DCC: variants seen among roughly 807,000 people sequenced by gnomAD.
DCC encodes netrin receptor DCC.
In DCC, 58 loss-of-function variants were observed where a neutral mutation model predicts 172.5. That is an observed-to-expected ratio of 0.34 (90% CI 0.27 to 0.42). The LOEUF is 0.42. Ranked by LOEUF, DCC falls within the 10% of genes least tolerant of loss-of-function variation. The pLI is 1.00. For missense variants in DCC, 1,740 were observed against 1,791.0 expected, an observed-to-expected ratio of 0.97 and a Z score of 0.51; for synonymous variants, 709 against 644.5, an observed-to-expected ratio of 1.10 and a Z score of -1.52.
intron 27 of DCC, among the ~76,000 whole-genome samples, chr18:53,518,539 TTAAAACAG>T (rs2046364652): frequency 6.6e-6 from 1 of 152,170 alleles, no homozygotes; most frequent in Admixed American, 6.5e-5. Context: ...AAAATGAAGC[TTAAAACAG>T]TAAATTCCTG....
At chr18:52,698,944 A>G (rs11082940) in intron 1 of DCC, among the ~76,000 whole-genome samples, 8,870 of 152,134 alleles carry the variant, frequency 0.058, 297 homozygotes, top group South Asian at 0.16. Flanking sequence ...TTTTCATGGC[A>G]TAGGAAAGGT....
chr18:52,369,149 A>C (rs933168370), intron 1 of DCC, among the ~76,000 whole-genome samples: 1 of 152,186 alleles, frequency 6.6e-6, no homozygotes, highest in African/African-American at 2.4e-5. Context: ...ATCGATGAAG[A>C]GTCTTCTCAA....
At chr18:53,450,916 C>T (rs1189909655) in intron 23 of DCC, among the ~76,000 whole-genome samples, 3 of 152,196 alleles carry the variant, frequency 2.0e-5, no homozygotes, top group African/African-American at 7.2e-5. Flanking sequence ...GACCCCTTCT[C>T]ATTTTCAAGT....
chr18:53,517,624 G>A (rs569633911), intron 27 of DCC, among the ~76,000 whole-genome samples: 2 of 152,036 alleles, frequency 1.3e-5, no homozygotes, highest in South Asian at 2.1e-4. Flanking sequence ...GTGACTCAGA[G>A]TAGCCCTTTC....
At position 53,475,863 on chromosome 18, in the gene DCC, C is replaced by G. The variant is rs539980015; in HGVS notation, c.3736+7853C>G. The stretch of plus-strand genomic sequence containing the variant: ...TGTGCACCTGGAAGAGCTGCAGACA[C>G]TCAATGCCAGCTCATGAAAGCAGCT... On this transcript the variant is annotated intron_variant, in intron 25 of 28. Transcript: ENST00000442544. Among the ~76,000 whole-genome samples, 49 of 152,260 alleles carry G rather than the reference C, an allele frequency of 3.2e-4. 2 individuals are homozygous for G. In the South Asian group the frequency reaches 9.9e-3, roughly 31 times the overall value.
intron 7 of DCC, among the ~76,000 whole-genome samples, chr18:53,084,967 G>T (rs2042857897): frequency 6.6e-6 from 1 of 152,140 alleles, no homozygotes; most frequent in South Asian, 2.1e-4. Flanking sequence ...AAGGGACTTT[G>T]TCTTGATATT....
chr18:53,185,615 C>A (rs535338480), intron 9 of DCC, among the ~76,000 whole-genome samples: 1 of 152,170 alleles, frequency 6.6e-6, no homozygotes, highest in Non-Finnish European at 1.5e-5. Flanking sequence ...TATATGATTA[C>A]TGGCTACTGT....
chr18:53,031,788 T>C (rs1440320588), intron 5 of DCC, among the ~76,000 whole-genome samples: 1 of 152,148 alleles, frequency 6.6e-6, no homozygotes, highest in Non-Finnish European at 1.5e-5. Flanking sequence ...TAAGGTTTTG[T>C]AACATACTCT....
intron 3 of DCC, among the ~76,000 whole-genome samples, chr18:52,910,714 C>T (rs947363470): frequency 2.0e-5 from 3 of 152,094 alleles, no homozygotes; most frequent in Non-Finnish European, 4.4e-5. Flanking sequence ...CTGGCCTATA[C>T]AATGGAATTC....
chr18:53,205,775 C>G (rs577204631), intron 10 of DCC, among the ~76,000 whole-genome samples: 1 of 152,042 alleles, frequency 6.6e-6, no homozygotes, highest in African/African-American at 2.4e-5. Flanking sequence ...ACATTTATAT[C>G]TAACTCCCTT....
intron 5 of DCC, among the ~76,000 whole-genome samples, chr18:53,062,181 A>G (rs995394744): frequency 1.9e-4 from 29 of 152,218 alleles, no homozygotes; most frequent in African/African-American, 6.7e-4. Context: ...AGTAGGAAAA[A>G]TCAGGACTTA....
chr18:53,279,980 G>A (rs563500537), intron 12 of DCC, among the ~76,000 whole-genome samples: 19 of 152,104 alleles, frequency 1.2e-4, no homozygotes, highest in Non-Finnish European at 2.2e-4. Context: ...AAAAACTACC[G>A]TTGAGCACTA....
chr18:52,583,752 T>C (rs2033609173), intron 1 of DCC, among the ~76,000 whole-genome samples: 1 of 152,224 alleles, frequency 6.6e-6, no homozygotes, highest in Admixed American at 6.5e-5. Context: ...TTGTTACAGA[T>C]CTTCTCAGGT....
chr18:53,433,591 G>A (rs1290361196), intron 21 of DCC, among the ~76,000 whole-genome samples: 1 of 152,110 alleles, frequency 6.6e-6, no homozygotes, highest in Non-Finnish European at 1.5e-5. Context: ...CCTCACATCA[G>A]CCAACGTTGA....
chr18:53,104,363 A>G (rs891626986), intron 7 of DCC, among the ~76,000 whole-genome samples: 5 of 151,958 alleles, frequency 3.3e-5, no homozygotes, highest in African/African-American at 9.7e-5. Flanking sequence ...TTGAGAGTGA[A>G]TAAGTCTCAC....
At chr18:53,352,880 C>T (rs1483622955) in intron 15 of DCC, among the ~76,000 whole-genome samples, 1 of 152,098 alleles carries the variant, frequency 6.6e-6, no homozygotes, top group Non-Finnish European at 1.5e-5. Context: ...TCATCTTACA[C>T]TCTTTCTGGA....
chr18:52,902,761 C>A (rs1442699956), intron 2 of DCC, among the ~76,000 whole-genome samples: 1 of 152,166 alleles, frequency 6.6e-6, no homozygotes, highest in Admixed American at 6.5e-5. Context: ...TGGGAGCATT[C>A]AGTCAAGCCT....
At chr18:53,394,307 G>A (rs951849238) in intron 17 of DCC, among the ~76,000 whole-genome samples, 8 of 152,190 alleles carry the variant, frequency 5.3e-5, no homozygotes, top group Admixed American at 2.6e-4. Context: ...AGAGGTAGGT[G>A]ATATAACTTG....
In DCC at chr18:52,990,872, G is replaced by A. The variant is rs148943217; in HGVS notation, c.985+65502G>A. Among the ~76,000 whole-genome samples the A allele has an allele frequency of 5.3e-4, 80 of 152,204 alleles. No homozygotes were observed. The East Asian group carries it at 0.012, about 24-fold the overall frequency. On this transcript the variant is annotated intron_variant, in intron 5 of 28. Coordinates refer to ENST00000442544, the MANE Select transcript of DCC (RefSeq NM_005215.4). ...TAGAAGAAATAATAGTAGGTTTAAC[G>A]AACATCTTTACATATTTCAGTGTGC... is the stretch of plus-strand genomic sequence containing the variant.
Sources: allele counts gnomAD v4.1 joint callset (sites outside exome capture counted in the v4.1 genomes callset), GRCh38; gene constraint gnomAD v4.1.1; transcripts MANE v1.5; gene names NCBI Gene and HGNC (gene_info 2026-07-23, HGNC 2026-07-21).